Variants in AKAP13 observed in about 807,000 individuals in gnomAD.
AKAP13 encodes A-kinase anchoring protein 13.
AKAP13 carries 80 observed loss-of-function variants against 264.5 expected under a neutral mutation model. That is an observed-to-expected ratio of 0.30 (90% CI 0.25 to 0.36). The LOEUF (loss-of-function observed/expected upper bound fraction) is 0.36. Among genes scored for constraint, AKAP13 ranks in the 10% least tolerant of loss-of-function variants. The probability of loss-of-function intolerance (pLI) is 1.00; values close to 1 mark genes in which losing one functional copy is unlikely to be tolerated. For synonymous variants in AKAP13, 1,380 were observed against 1,250.2 expected, an observed-to-expected ratio of 1.10 and a Z score of -2.19; for missense variants, 3,712 against 3,435.2, an observed-to-expected ratio of 1.08 and a Z score of -2.01.
At chr15:85,604,007 A>AAAT (rs2080206534) in intron 8 of AKAP13, among the ~76,000 whole-genome samples, 1 of 152,122 alleles carries the variant, frequency 6.6e-6, no homozygotes, top group East Asian at 1.9e-4. Context: ...AGACATTTAT[A>AAAT]ATGTCTGATG....
At position 85,581,171 on chromosome 15, in the gene AKAP13, G is replaced by A. The variant is rs892991633; in HGVS notation, c.3103G>A (p.Ala1035Thr). Residue 1035 changes from alanine (A) to threonine (T), a missense_variant, in exon 7 of 37, where the codon GCA becomes ACA. Physicochemically the swap from Ala to Thr is moderately conservative, Grantham distance 58 (BLOSUM62 0). Around this residue, in one of 3 missense-constraint regions of AKAP13, gnomAD observed 2,759 missense variants for 2,411.7 expected, o/e 1.14. Coordinates refer to ENST00000394518, the MANE Select transcript of AKAP13 (RefSeq NM_007200.5). ...ATESRQEALG[A>T]EHNSSALLPC... Reference sequence around the variant, plus strand: ...AGAGTCAAGGCAGGAAGCCTTGGGGGCAGAGCACAACAGCTCCGCTCTGTT... The same window carrying A: ...AGAGTCAAGGCAGGAAGCCTTGGGGACAGAGCACAACAGCTCCGCTCTGTT... 13 of 1,614,072 alleles carry A rather than the reference G, an allele frequency of 8.1e-6. No homozygotes were observed. Among genetic ancestry groups the A allele is most frequent in the Non-Finnish European group, 1.1e-5 (13 of 1,180,032 alleles).
chr15:85,425,968 A>G (rs551334874), intron 1 of AKAP13, among the ~76,000 whole-genome samples: 14 of 152,122 alleles, frequency 9.2e-5, no homozygotes, highest in Non-Finnish European at 1.8e-4. Flanking sequence ...AGAAAATAAG[A>G]GACATCTATA....
In AKAP13 at chr15:85,727,168, G is replaced by C; in HGVS notation, c.6925G>C (p.Glu2309Gln). The C allele has an allele frequency of 6.2e-7, 1 of 1,614,234 alleles. No individual in the cohort carries two copies. Among genetic ancestry groups the C allele is most frequent in the Non-Finnish European group, 8.5e-7 (1 of 1,180,034 alleles). The change falls in exon 28 of 37, where the codon GAG becomes CAG. Residue 2309 changes from glutamate (E) to glutamine (Q), a missense_variant. Transcript: ENST00000394518. This position sits in a 1 kb window ranked among gnomAD's most constrained non-coding sequence, Gnocchi z 5.3. ...FLISMGMTDP[E>Q]MVEVHASSKE... ...GATCAGCATGGGGATGACAGATCCA[G>C]AGATGGTAGAAGTCCATGCCAGCTC...
chr15:85,462,903 A>G (rs1219899780), intron 1 of AKAP13, among the ~76,000 whole-genome samples: 1 of 148,632 alleles, frequency 6.7e-6, no homozygotes, highest in African/African-American at 2.5e-5. Flanking sequence ...GGGCACCTGT[A>G]GTCCCAGCTA....
intron 14 of AKAP13, among the ~76,000 whole-genome samples, chr15:85,672,700 C>G (rs2083994081): frequency 6.6e-6 from 1 of 152,234 alleles, no homozygotes; most frequent in African/African-American, 2.4e-5. Context: ...CTGAAACTCT[C>G]TGCATCAATT....
rs1191313098 is a variant in AKAP13, at chr15:85,734,871, TCA to T, written c.7283-119_7283-118del. 5 of 1,328,430 alleles carry T rather than the reference TCA, an allele frequency of 3.8e-6. No individual in the cohort carries two copies. The African/African-American group carries it at 7.4e-5, about 20-fold the overall frequency. 82.3% of individuals were successfully genotyped at this position (1,328,430 alleles called of 1,614,324 possible). A position where few individuals can be genotyped will look rare whatever the true frequency, so the allele number is the denominator to read the frequency against. Reference sequence around the variant, plus strand: ...GAGACCCTTCTCTGAGCAAAGGAACTCACCCAGTCACTCTTTGGAACTTTCAA... The same window carrying T: ...GAGACCCTTCTCTGAGCAAAGGAACTCCCAGTCACTCTTTGGAACTTTCAA... On this transcript the variant is annotated intron_variant, in intron 30 of 36. Transcript: ENST00000394518.
intron 4 of AKAP13, among the ~76,000 whole-genome samples, chr15:85,541,118 G>C (rs1381727045): frequency 6.6e-6 from 1 of 152,170 alleles, no homozygotes; most frequent in African/African-American, 2.4e-5. Context: ...TTGGGTTCAC[G>C]TGTATATGCA....
At position 85,426,955 on chromosome 15, in the gene AKAP13, G is replaced by GTTTTTTTTTTT. The variant is rs71468105; in HGVS notation, c.-12+46164_-12+46174dup. ...AACCTCCTTAGTATTGTTTTGTTTT[G>GTTTTTTTTTTT]TTTTTTTTTTTTTTTTTGGGGACGG... On this transcript the variant is annotated intron_variant, in intron 1 of 36. Coordinates refer to ENST00000394518, the MANE Select transcript of AKAP13 (RefSeq NM_007200.5). 1.4e-4 allele frequency among the ~76,000 whole-genome samples: 18 copies of GTTTTTTTTTTT among 125,038 alleles called. 1 individual carries two copies. The highest frequency in any genetic ancestry group is 2.4e-4 in the African/African-American group (8 of 33,786). The allele number at this position is 125,038 out of a possible 152,430, so 82.0% of individuals were successfully genotyped here. A position where few individuals can be genotyped will look rare whatever the true frequency, so the allele number is the denominator to read the frequency against.
At chr15:85,602,056 G>C (rs1323717996) in intron 8 of AKAP13, among the ~76,000 whole-genome samples, 2 of 151,944 alleles carry the variant, frequency 1.3e-5, no homozygotes, top group East Asian at 3.9e-4. Context: ...ACAGGTATAT[G>C]CTTAGAAAAG....
At chr15:85,732,484 CAT>C (rs1458848058) in intron 30 of AKAP13, among the ~76,000 whole-genome samples, 3 of 149,426 alleles carry the variant, frequency 2.0e-5, no homozygotes, top group African/African-American at 7.3e-5. Flanking sequence ...TGTTTTACAT[CAT>C]ATATAATTTA....
intron 1 of AKAP13, among the ~76,000 whole-genome samples, chr15:85,479,983 C>G (rs1019345688): frequency 6.6e-6 from 1 of 152,104 alleles, no homozygotes; most frequent in African/African-American, 2.4e-5. Flanking sequence ...TTACTTATTT[C>G]CAGTACAGTT....
chr15:85,413,551 A>AC (rs1049923304), intron 1 of AKAP13, among the ~76,000 whole-genome samples: 2 of 151,956 alleles, frequency 1.3e-5, no homozygotes, highest in Non-Finnish European at 2.9e-5. Flanking sequence ...CATTGCCCTG[A>AC]CCCCTGGCTT....
At chr15:85,659,246 T>C (rs1033792330) in intron 12 of AKAP13, among the ~76,000 whole-genome samples, 26 of 152,254 alleles carry the variant, frequency 1.7e-4, no homozygotes, top group Admixed American at 1.3e-4. Context: ...CTTCAAATTT[T>C]CCGTTGGATT....
chr15:85,416,476 C>G (rs905572374), intron 1 of AKAP13, among the ~76,000 whole-genome samples: 1 of 152,162 alleles, frequency 6.6e-6, no homozygotes, highest in African/African-American at 2.4e-5. Flanking sequence ...ATATTTTATA[C>G]CTCTACGCAC....
intron 1 of AKAP13, among the ~76,000 whole-genome samples, chr15:85,475,913 A>G (rs1263010065): frequency 6.6e-6 from 1 of 152,198 alleles, no homozygotes; most frequent in Admixed American, 6.5e-5. Flanking sequence ...GTACTGTGCC[A>G]GGTGCTGTGG....
chr15:85,523,465 G>A (rs1422863879), intron 3 of AKAP13, among the ~76,000 whole-genome samples: 1 of 152,018 alleles, frequency 6.6e-6, no homozygotes, highest in East Asian at 1.9e-4. Flanking sequence ...CCTCAGTGAG[G>A]CCTTTCGGTC....
rs560778376 is a variant in AKAP13, at chr15:85,580,919, C to G, written c.2851C>G (p.Gln951Glu). Residue 951 changes from glutamine (Q) to glutamate (E), a missense_variant, in exon 7 of 37, where the codon CAG (glutamine) becomes GAG (glutamate). This residue lies in a region of AKAP13 where 2,759 missense variants were observed against 2,411.7 expected (regional missense o/e 1.14). Transcript: ENST00000394518. The stretch of plus-strand genomic sequence containing the variant: ...CTCTTCAGGAACTTTGCAGGAAGAG[C>G]AGAGAACACCACCTCCTGGACAAGA... Reference protein sequence around the residue: ...ALSSGTLQEEQRTPPPGQDTQ... With the variant: ...ALSSGTLQEEERTPPPGQDTQ... 1,234 of 1,614,180 alleles carry G rather than the reference C, an allele frequency of 7.6e-4. 16 individuals carry two copies. The South Asian group carries it at 0.013, about 17-fold the overall frequency.
chr15:85,656,103 A>G (rs1414417641), intron 11 of AKAP13, among the ~76,000 whole-genome samples: 5 of 152,208 alleles, frequency 3.3e-5, no homozygotes, highest in Non-Finnish European at 7.3e-5. Flanking sequence ...GTTTATTCTT[A>G]CCACATTAAT....
chr15:85,664,790 T>G, intron 13 of AKAP13, 35 bp downstream of exon 13: 1 of 1,584,268 alleles, frequency 6.3e-7, no homozygotes, highest in Non-Finnish European at 8.6e-7. Context: ...GGAAAAAATA[T>G]ATTTCACAAA....
Sources: allele counts gnomAD v4.1 joint callset (sites outside exome capture counted in the v4.1 genomes callset), GRCh38; gene constraint gnomAD v4.1.1; regional missense constraint gnomAD v4.1.1; non-coding constraint Gnocchi (gnomAD v3.1); transcripts MANE v1.5; gene names NCBI Gene and HGNC (gene_info 2026-07-23, HGNC 2026-07-21).